Variants in TFDP2 observed in about 807,000 individuals in gnomAD.
The protein encoded by TFDP2 is transcription factor Dp-2 (E2F dimerization partner 2).
TFDP2 carries 17 observed loss-of-function variants against 59.3 expected under a neutral mutation model. The ratio of observed to expected loss-of-function variants is 0.29; its 90% CI spans 0.20 to 0.43. TFDP2 has a LOEUF of 0.43. Among genes scored for constraint, TFDP2 ranks in the 20% least tolerant of loss-of-function variants. The pLI is 1.00. For synonymous variants in TFDP2, 180 were observed against 194.7 expected, an observed-to-expected ratio of 0.92 and a Z score of 0.63; for missense variants, 391 against 528.8, an observed-to-expected ratio of 0.74 and a Z score of 2.56.
rs776411928 is a variant in TFDP2 at position 141,959,715 on chromosome 3, G to A, written c.1010C>T (p.Ala337Val). 38 of 1,613,956 alleles carry A rather than the reference G, an allele frequency of 2.4e-5. No homozygotes were observed. The Admixed American group carries it at 5.0e-4, about 21-fold the overall frequency. ...GKCSLEDLKL[A>V]KSLVPKALEG... ...TAAAGCCTTTGGCACCAGGGATTTC[G>A]CAAGTTTCAGATCCTCCAGAGAGCA... The change falls in exon 11 of 13, where the codon GCG (alanine) becomes GTG (valine). Residue 337 changes from alanine to valine, a missense_variant. Physicochemically the swap from Ala to Val is moderately conservative, Grantham distance 64 (BLOSUM62 0). Coordinates refer to ENST00000489671, the MANE Select transcript of TFDP2 (RefSeq NM_001178139.2).
At chr3:141,996,147 A>G (rs1436705918) in intron 4 of TFDP2, among the ~76,000 whole-genome samples, 1 of 152,168 alleles carries the variant, frequency 6.6e-6, no homozygotes, top group African/African-American at 2.4e-5. Flanking sequence ...GGTACCTTAT[A>G]TGTGTTACCA....
chr3:142,034,741 A>C (rs1353348517), intron 3 of TFDP2, among the ~76,000 whole-genome samples: 1 of 135,282 alleles, frequency 7.4e-6, no homozygotes, highest in East Asian at 2.2e-4. Flanking sequence ...TTTGAGACGG[A>C]GTCTTGCTCT....
chr3:142,041,381 G>A (rs1946961395), intron 3 of TFDP2, among the ~76,000 whole-genome samples: 1 of 152,224 alleles, frequency 6.6e-6, no homozygotes, highest in Non-Finnish European at 1.5e-5. Flanking sequence ...GGAAGGACCA[G>A]GTGGGAGGTA....
intron 3 of TFDP2, among the ~76,000 whole-genome samples, chr3:142,011,668 AC>A (rs1202626269): frequency 6.6e-6 from 1 of 151,830 alleles, no homozygotes; most frequent in East Asian, 1.9e-4. Context: ...TAAAAAGGAA[AC>A]CTTTTTGCAT....
At chr3:141,985,209 A>G (rs546303233) in intron 6 of TFDP2, among the ~76,000 whole-genome samples, 6 of 152,276 alleles carry the variant, frequency 3.9e-5, no homozygotes, top group Admixed American at 2.0e-4. Context: ...AATAACTGTA[A>G]AAATGTTATA....
At chr3:142,076,067 T>C (rs1483192942) in intron 3 of TFDP2, among the ~76,000 whole-genome samples, 1 of 151,548 alleles carries the variant, frequency 6.6e-6, no homozygotes, top group Non-Finnish European at 1.5e-5. Context: ...AAAAATTAGC[T>C]GGGCATGGTG....
chr3:142,042,208 G>A (rs1947011318), intron 3 of TFDP2, among the ~76,000 whole-genome samples: 1 of 151,802 alleles, frequency 6.6e-6, no homozygotes, highest in South Asian at 2.1e-4. Flanking sequence ...ACTCTATTAT[G>A]TTCACTGCTC....
intron 6 of TFDP2, among the ~76,000 whole-genome samples, chr3:141,983,823 AG>A: frequency 6.6e-6 from 1 of 152,190 alleles, no homozygotes. Context: ...AGTGTTGGAG[AG>A]GATGTAGAGA....
intron 1 of TFDP2, among the ~76,000 whole-genome samples, chr3:142,133,643 C>T (rs1478088329): frequency 1.4e-5 from 2 of 140,614 alleles, no homozygotes; most frequent in Admixed American, 6.8e-5. Flanking sequence ...GCTACAGGCA[C>T]GTGCCATCAC....
chr3:142,083,926 T>G (rs1047705059), intron 3 of TFDP2, among the ~76,000 whole-genome samples: 27 of 152,260 alleles, frequency 1.8e-4, no homozygotes, highest in Admixed American at 2.0e-4. Context: ...GGGGAAAATC[T>G]CCAGGACATT....
intron 1 of TFDP2, among the ~76,000 whole-genome samples, chr3:142,117,461 T>C (rs545428799): frequency 6.7e-6 from 1 of 150,214 alleles, no homozygotes; most frequent in East Asian, 2.0e-4. Context: ...AAACCCCACT[T>C]CCTTACCTCT....
chr3:142,107,985 G>A (rs893266050), intron 1 of TFDP2, among the ~76,000 whole-genome samples: 5 of 151,922 alleles, frequency 3.3e-5, no homozygotes, highest in African/African-American at 7.3e-5. Flanking sequence ...TTTCAATTCC[G>A]TTTTTTGAAA....
chr3:142,059,625 G>C (rs2059850741), intron 3 of TFDP2, among the ~76,000 whole-genome samples: 1 of 151,724 alleles, frequency 6.6e-6, no homozygotes, highest in Non-Finnish European at 1.5e-5. Context: ...TGTCACCCAG[G>C]GTGGAGTGCA....
At chr3:142,002,317 GTTTTTTT>G (rs750047190) in intron 4 of TFDP2, among the ~76,000 whole-genome samples, 5 of 106,838 alleles carry the variant, frequency 4.7e-5, no homozygotes, top group African/African-American at 1.1e-4. Context: ...TATTTTTAGT[GTTTTTTT>G]TTTTTTTTTT....
chr3:142,046,974 T>C (rs1316636929), intron 3 of TFDP2, among the ~76,000 whole-genome samples: 1 of 152,110 alleles, frequency 6.6e-6, no homozygotes, highest in Non-Finnish European at 1.5e-5. Flanking sequence ...GTGGAAGCAA[T>C]AGCTTCTCAT....
chr3:142,046,129 C>T (rs1329525689), intron 3 of TFDP2, among the ~76,000 whole-genome samples: 1 of 152,150 alleles, frequency 6.6e-6, no homozygotes, highest in Non-Finnish European at 1.5e-5. Context: ...CCCTGATTTA[C>T]TATGGCGCTG....
rs373427071 is a variant in TFDP2, at chr3:141,970,070, T to C, written c.732+3A>G. ...GGTAATGAAAACATCTCGGTATCTT[T>C]ACCTGTAGGAGAAGTTCTTGCAGCT... On this transcript the variant is annotated splice_donor_region_variant and intron_variant, in intron 9 of 12. Coordinates refer to ENST00000489671, the MANE Select transcript of TFDP2 (RefSeq NM_001178139.2). 7.4e-6 allele frequency: 12 copies of C among 1,613,672 alleles called. No individual in the cohort carries two copies. In the African/African-American group the frequency reaches 1.5e-4, roughly 20 times the overall value.
At chr3:142,049,678 CAA>C (rs1027680950) in intron 3 of TFDP2, among the ~76,000 whole-genome samples, 2 of 151,980 alleles carry the variant, frequency 1.3e-5, no homozygotes, top group African/African-American at 4.8e-5. Context: ...TGTACATAAA[CAA>C]AATATTGGTC....
chr3:142,027,878 A>T (rs1285021380), intron 3 of TFDP2, among the ~76,000 whole-genome samples: 1 of 152,162 alleles, frequency 6.6e-6, no homozygotes, highest in Non-Finnish European at 1.5e-5. Context: ...TCACTACCCC[A>T]AGAGGCAGAC....
Sources: gnomAD v4.1 joint callset for allele counts (sites outside exome capture counted in the v4.1 genomes callset) on GRCh38, gnomAD v4.1.1 for gene constraint, MANE v1.5 for transcripts, NCBI Gene and HGNC (gene_info 2026-07-23, HGNC 2026-07-21) for gene names.